Variants in TNN observed in about 807,000 individuals in gnomAD.
TNN encodes the protein tenascin-N.
TNN carries 122 observed loss-of-function variants against 134.4 expected under a neutral mutation model. The observed-to-expected ratio is 0.91, with a 90% CI of 0.78 to 1.06. The LOEUF (loss-of-function observed/expected upper bound fraction) is 1.06. Ranked by LOEUF, TNN falls within the 50% of genes least tolerant of loss-of-function variation. The probability of loss-of-function intolerance (pLI) is 0.00; values close to 1 mark genes in which losing one functional copy is unlikely to be tolerated. For missense variants in TNN, 1,739 were observed against 1,699.4 expected (o/e 1.02, Z -0.41); for synonymous variants, 710 against 670.3 (o/e 1.06, Z -0.91).
At chr1:175,071,107 T>C (rs1215037908) in intron 1 of TNN, among the ~76,000 whole-genome samples, 1 of 152,228 alleles carries the variant, frequency 6.6e-6, no homozygotes, top group Non-Finnish European at 1.5e-5. Context: ...GATACACTTT[T>C]TCTAAAACCC....
At chr1:175,096,635 C>T (rs1479833754) in intron 7 of TNN, among the ~76,000 whole-genome samples, 1 of 152,186 alleles carries the variant, frequency 6.6e-6, no homozygotes, top group Non-Finnish European at 1.5e-5. Context: ...TAAGGATGTA[C>T]ATTTTGAGGA....
At chr1:175,103,743 C>T (rs1394349494) in intron 9 of TNN, among the ~76,000 whole-genome samples, 1 of 144,110 alleles carries the variant, frequency 6.9e-6, no homozygotes, top group African/African-American at 2.5e-5. Flanking sequence ...CTCTTCCTCT[C>T]TCTGTCTCTT....
chr1:175,123,336 G>T, intron 11 of TNN, 64 bp from the exon 12 acceptor site: 5 of 1,549,942 alleles, frequency 3.2e-6, no homozygotes, highest in Non-Finnish European at 4.4e-6. Flanking sequence ...CTGGTGATGA[G>T]GTGGTAAGAT....
intron 6 of TNN, among the ~76,000 whole-genome samples, chr1:175,088,172 G>A (rs957427646): frequency 6.6e-5 from 10 of 152,196 alleles, no homozygotes; most frequent in South Asian, 2.1e-4. Flanking sequence ...AACTGTGAGC[G>A]CCTCTCTCCT....
intron 17 of TNN, among the ~76,000 whole-genome samples, chr1:175,138,152 G>A (rs1001870886): frequency 1.3e-5 from 2 of 152,324 alleles, no homozygotes; most frequent in Middle Eastern, 3.4e-3. Context: ...ACCCCTGATG[G>A]CAGAAGACTG....
At chr1:175,122,847 T>A (rs12087735) in intron 11 of TNN, among the ~76,000 whole-genome samples, 52,651 of 152,004 alleles carry the variant, frequency 0.35, 9,713 homozygotes, top group Non-Finnish European at 0.42. Flanking sequence ...GAAGAAGAGA[T>A]TGATGACACA....
At chr1:175,109,890 C>T (rs375008995) in intron 9 of TNN, among the ~76,000 whole-genome samples, 2 of 152,084 alleles carry the variant, frequency 1.3e-5, no homozygotes, top group South Asian at 2.1e-4. Context: ...GTTGCTGGAT[C>T]ATATGGTACA....
At chr1:175,073,965 C>T (rs1385376613) in intron 1 of TNN, among the ~76,000 whole-genome samples, 1 of 152,192 alleles carries the variant, frequency 6.6e-6, no homozygotes, top group Non-Finnish European at 1.5e-5. Flanking sequence ...TCTAACATGC[C>T]TCATTTCTGT....
In TNN at chr1:175,113,914, A is replaced by G. The variant is rs193065099; in HGVS notation, c.2120-3025A>G. Among the ~76,000 whole-genome samples, 131 of 152,096 alleles carry G rather than the reference A, an allele frequency of 8.6e-4. 1 individual carries two copies. Among genetic ancestry groups the G allele is most frequent in the African/African-American group, 3.1e-3 (127 of 41,504 alleles). On this transcript the variant is annotated intron_variant, in intron 9 of 18. Coordinates refer to ENST00000239462, the MANE Select transcript of TNN (RefSeq NM_022093.2). ...ATTAGCTGTGTTTCTTTTTTGTGAT[A>G]TCTATCTCTTCACTGAATTTCTCAT... is the stretch of plus-strand genomic sequence containing the variant.
intron 1 of TNN, 108 bp downstream of exon 1, chr1:175,068,043 T>C (rs547824950): frequency 7.0e-6 from 3 of 426,714 alleles, no homozygotes; most frequent in Non-Finnish European, 1.4e-5. Context: ...AGCCTGAAAA[T>C]CCGGGCAGTG....
intron 1 of TNN, among the ~76,000 whole-genome samples, chr1:175,071,418 G>GT (rs1321879645): frequency 6.6e-6 from 1 of 152,192 alleles, no homozygotes; most frequent in Non-Finnish European, 1.5e-5. Flanking sequence ...GCAGACAGAA[G>GT]TATCTGTGCA....
chr1:175,071,466 C>T (rs1673912035), intron 1 of TNN, among the ~76,000 whole-genome samples: 1 of 152,190 alleles, frequency 6.6e-6, no homozygotes, highest in South Asian at 2.1e-4. Flanking sequence ...TCCAGCTTCT[C>T]ATGAGAATTG....
At position 175,085,497 on chromosome 1, in the gene TNN, G is replaced by T. The variant is rs762177520; in HGVS notation, c.1324+3G>T. On this transcript the variant is annotated splice_donor_region_variant and intron_variant, in intron 6 of 18. Coordinates refer to ENST00000239462, the MANE Select transcript of TNN (RefSeq NM_022093.2). The stretch of plus-strand genomic sequence containing the variant: ...GATCCTCCTGAATGGCAGGACAGGT[G>T]AGAGCTACTTGGAGGCACTATGGGC... 6.2e-6 allele frequency: 10 copies of T among 1,602,388 alleles called. No homozygotes were observed. The highest frequency in any genetic ancestry group is 2.2e-5 in the East Asian group (1 of 44,754).
chr1:175,092,162 A>G (rs1332611244), intron 6 of TNN, among the ~76,000 whole-genome samples: 1 of 152,076 alleles, frequency 6.6e-6, no homozygotes. Flanking sequence ...CCCCAGATTG[A>G]GATATTGGTT....
At chr1:175,143,066 A>T (rs1386666494) in intron 17 of TNN, among the ~76,000 whole-genome samples, 1 of 152,204 alleles carries the variant, frequency 6.6e-6, no homozygotes, top group Admixed American at 6.5e-5. Flanking sequence ...GGTGTCTCAG[A>T]AAGAACCCTG....
intron 1 of TNN, among the ~76,000 whole-genome samples, chr1:175,069,717 C>G (rs997443645): frequency 6.6e-6 from 1 of 152,192 alleles, no homozygotes; most frequent in South Asian, 2.1e-4. Context: ...AGATCTCAGG[C>G]CTGATCTCTG....
rs368295611 is a variant in TNN, at chr1:175,081,742, GACCATAGAGGT to G, written c.1048+1318_1048+1328del. Among the ~76,000 whole-genome samples the G allele has an allele frequency of 2.6e-3, 394 of 152,286 alleles. 3 individuals are homozygous for G. Among genetic ancestry groups the G allele is most frequent in the African/African-American group, 9.1e-3 (380 of 41,552 alleles). On this transcript the variant is annotated intron_variant, in intron 4 of 18. Coordinates refer to ENST00000239462, the MANE Select transcript of TNN (RefSeq NM_022093.2). ...GCATGGGTGACTGCACACTATGGGG[GACCATAGAGGT>G]ATCTCAGTAAGACAGCGTTAGAAAG... is the stretch of plus-strand genomic sequence containing the variant.
At chr1:175,092,583 A>G (rs1013146878) in intron 6 of TNN, among the ~76,000 whole-genome samples, 7 of 152,218 alleles carry the variant, frequency 4.6e-5, no homozygotes, top group Non-Finnish European at 7.3e-5. Flanking sequence ...GCAAAGGAAA[A>G]TGCTATTGAT....
intron 9 of TNN, among the ~76,000 whole-genome samples, chr1:175,100,424 C>T (rs1484913929): frequency 6.6e-6 from 1 of 152,190 alleles, no homozygotes; most frequent in African/African-American, 2.4e-5. Context: ...GGGCCTCACC[C>T]ATGGGACTCA....
Sources: allele counts gnomAD v4.1 joint callset (sites outside exome capture counted in the v4.1 genomes callset), GRCh38; gene constraint gnomAD v4.1.1; transcripts MANE v1.5; gene names NCBI Gene and HGNC (gene_info 2026-07-23, HGNC 2026-07-21).